The following EPS15L1 variants were observed in gnomAD, a reference collection of about 807,000 sequenced individuals.
The protein encoded by EPS15L1 is epidermal growth factor receptor substrate 15-like 1.
A neutral mutation model predicts 117.1 loss-of-function variants in EPS15L1; 43 were observed. That is an observed-to-expected ratio of 0.37 (90% CI 0.29 to 0.47). The LOEUF (loss-of-function observed/expected upper bound fraction) is 0.47, where lower values mean the gene tolerates loss of function less well. Among genes scored for constraint, EPS15L1 ranks in the 20% least tolerant of loss-of-function variants. The probability of loss-of-function intolerance (pLI) is 0.99; values close to 1 mark genes in which losing one functional copy is unlikely to be tolerated. For synonymous variants in EPS15L1, 459 were observed against 470.5 expected, an observed-to-expected ratio of 0.98 and a Z score of 0.32; for missense variants, 981 against 1,164.0, an observed-to-expected ratio of 0.84 and a Z score of 2.29.
intron 16 of EPS15L1, among the ~76,000 whole-genome samples, chr19:16,399,693 T>C (rs1047695219): frequency 4.4e-4 from 67 of 151,846 alleles, no homozygotes; most frequent in African/African-American, 1.5e-3. Flanking sequence ...TTTTTTTTTT[T>C]TTTTAGAGAT....
intron 1 of EPS15L1, among the ~76,000 whole-genome samples, chr19:16,446,763 G>A (rs2093087063): frequency 1.3e-5 from 2 of 152,268 alleles, no homozygotes; most frequent in South Asian, 2.1e-4. Context: ...ATGCACGTCC[G>A]TGATGACGTG....
At chr19:16,465,680 T>A (rs1389871675) in intron 1 of EPS15L1, among the ~76,000 whole-genome samples, 1 of 152,072 alleles carries the variant, frequency 6.6e-6, no homozygotes, top group African/African-American at 2.4e-5. Flanking sequence ...AGAGCCTGTC[T>A]CTAAAGGAAA....
chr19:16,462,162 C>T (rs560054016), intron 1 of EPS15L1, among the ~76,000 whole-genome samples: 8 of 152,306 alleles, frequency 5.3e-5, no homozygotes, highest in Admixed American at 2.0e-4. Context: ...CTCTCAGTTT[C>T]CTCATCTAGA....
At chr19:16,361,258 T>A (rs1162142225) in intron 23 of EPS15L1, among the ~76,000 whole-genome samples, 9 of 148,980 alleles carry the variant, frequency 6.0e-5, no homozygotes, top group East Asian at 5.9e-4. Context: ...TTAAAAGCTT[T>A]AAAAAAAAAA....
chr19:16,467,452 G>C (rs1230519325), intron 1 of EPS15L1, among the ~76,000 whole-genome samples: 5 of 151,920 alleles, frequency 3.3e-5, no homozygotes, highest in Admixed American at 3.3e-4. Context: ...ACCCGGCCTG[G>C]AAAGTTGTTT....
In EPS15L1 at chr19:16,413,799, T is replaced by A. The variant is rs1055251499; in HGVS notation, c.1240A>T (p.Ile414Phe). 1 of 1,614,036 alleles carries A rather than the reference T, an allele frequency of 6.2e-7. No individual in the cohort carries two copies. Among genetic ancestry groups the A allele is most frequent in the South Asian group, 1.1e-5 (1 of 91,078 alleles). Residue 414 changes from isoleucine to phenylalanine, a missense_variant, in exon 13 of 24, where the codon ATC (isoleucine) becomes TTC (phenylalanine). This residue lies in a region of EPS15L1 where 819 missense variants were observed against 949.0 expected (regional missense o/e 0.86). Transcript: ENST00000455140. ...EQDIREKEEA[I>F]RQKTSEVQEL... Reference sequence around the variant, plus strand: ...TGCACCTCGCTGGTTTTCTGTCTGATTGCCTCTTCCTTTTCTCGAATGTCT... The same window carrying A: ...TGCACCTCGCTGGTTTTCTGTCTGAATGCCTCTTCCTTTTCTCGAATGTCT...
At chr19:16,394,786 A>T (rs2092521786) in intron 17 of EPS15L1, among the ~76,000 whole-genome samples, 1 of 152,134 alleles carries the variant, frequency 6.6e-6, no homozygotes, top group East Asian at 1.9e-4. Flanking sequence ...CTGCTGAGGG[A>T]TTAGGAAACT....
intron 23 of EPS15L1, chr19:16,357,571 TG>T: frequency 1.3e-5 from 2 of 153,106 alleles, no homozygotes; most frequent in Non-Finnish European, 2.9e-5. Context: ...ATGGCAGGGC[TG>T]GGGGGACTGG....
At position 16,403,744 on chromosome 19, in the gene EPS15L1, C is replaced by T. The variant is rs762954673; in HGVS notation, c.1615G>A (p.Glu539Lys). 1.4e-5 allele frequency: 23 copies of T among 1,612,632 alleles called. No individual in the cohort carries two copies. Among genetic ancestry groups the T allele is most frequent in the South Asian group, 2.2e-5 (2 of 91,074 alleles). The change falls in exon 15 of 24, where the codon GAA (glutamate) becomes AAA (lysine). Residue 539 changes from glutamate to lysine, a missense_variant. Glu to Lys is a moderately conservative substitution (Grantham distance 56). Around this residue, in one of 5 missense-constraint regions of EPS15L1, gnomAD observed 819 missense variants for 949.0 expected, o/e 0.86. Transcript: ENST00000455140. ...ACTCCGTGAAGTACCTGGTTGATTT[C>T]GTCTTGCGTTGACTTCAGGGACTTG... is the stretch of plus-strand genomic sequence containing the variant. ...IIKSLKSTQDEINQARSKLSQ... is the reference protein window; with the variant it reads ...IIKSLKSTQDKINQARSKLSQ...
intron 1 of EPS15L1, among the ~76,000 whole-genome samples, chr19:16,453,856 T>C (rs573431941): frequency 2.1e-4 from 32 of 148,848 alleles, no homozygotes; most frequent in Admixed American, 4.7e-4. Flanking sequence ...TAAAAAAAGC[T>C]GAAATCCAAG....
At chr19:16,362,693 A>G (rs1008356815) in intron 22 of EPS15L1, among the ~76,000 whole-genome samples, 2 of 151,722 alleles carry the variant, frequency 1.3e-5, no homozygotes, top group African/African-American at 4.8e-5. Flanking sequence ...TATTTTTAGT[A>G]GAGATGGGAT....
At chr19:16,447,007 T>A (rs2093089711) in intron 1 of EPS15L1, among the ~76,000 whole-genome samples, 1 of 152,134 alleles carries the variant, frequency 6.6e-6, no homozygotes, top group Non-Finnish European at 1.5e-5. Flanking sequence ...TGCAAAAACA[T>A]AGCCCGGAGT....
rs1178688061 is a variant in EPS15L1 at position 16,428,500 on chromosome 19, G to GGAGA, written c.558+198_558+201dup. Among the ~76,000 whole-genome samples the GGAGA allele has an allele frequency of 7.7e-4, 84 of 109,112 alleles. 2 individuals are homozygous for GGAGA. Among genetic ancestry groups the GGAGA allele is most frequent in the South Asian group, 3.5e-3 (11 of 3,188 alleles). The allele number at this position is 109,112 out of a possible 152,430, so 71.6% of individuals were successfully genotyped here. ...GGGAGAGAGGGAGGGAGGGAGGGAG[G>GGAGA]GAGAGAGAGAGAGAAAGAAAGTGAA... On this transcript the variant is annotated intron_variant, in intron 8 of 23. Coordinates refer to ENST00000455140, the MANE Select transcript of EPS15L1 (RefSeq NM_001258374.3).
At chr19:16,458,113 G>A (rs1025852978) in intron 1 of EPS15L1, among the ~76,000 whole-genome samples, 20 of 152,082 alleles carry the variant, frequency 1.3e-4, no homozygotes, top group Middle Eastern at 3.2e-3. Flanking sequence ...GCCTCCTGTC[G>A]GGGTGTTCCT....
chr19:16,458,871 C>T (rs1049128568), intron 1 of EPS15L1, among the ~76,000 whole-genome samples: 6 of 152,214 alleles, frequency 3.9e-5, no homozygotes, highest in Non-Finnish European at 7.3e-5. Flanking sequence ...AGTCATGCAT[C>T]GTTTAACTAC....
intron 20 of EPS15L1, among the ~76,000 whole-genome samples, chr19:16,385,592 CTG>C (rs1426813219): frequency 6.6e-6 from 1 of 152,178 alleles, no homozygotes; most frequent in Non-Finnish European, 1.5e-5. Flanking sequence ...GAGGTTTTTG[CTG>C]TGTTTTCTCC....
At chr19:16,440,744 G>A in intron 4 of EPS15L1, 118 bp downstream of exon 4, 1 of 847,740 alleles carries the variant, frequency 1.2e-6, no homozygotes, top group Non-Finnish European at 1.9e-6. Flanking sequence ...AAGTTTGACA[G>A]CCGTGCTCAT....
chr19:16,384,812 G>A (rs953193607), intron 21 of EPS15L1, among the ~76,000 whole-genome samples: 17 of 152,294 alleles, frequency 1.1e-4, no homozygotes, highest in Admixed American at 3.3e-4. Flanking sequence ...CTCTCGAGAC[G>A]CCTGTGCCCA....
chr19:16,409,652 T>C (rs1170136506), intron 13 of EPS15L1, among the ~76,000 whole-genome samples: 3 of 152,156 alleles, frequency 2.0e-5, no homozygotes, highest in Non-Finnish European at 4.4e-5. Context: ...CAAATTCAGC[T>C]ATAGGCCAGG....
Sources: gnomAD v4.1 joint callset for allele counts (sites outside exome capture counted in the v4.1 genomes callset) on GRCh38, gnomAD v4.1.1 for gene constraint, gnomAD v4.1.1 regional missense constraint, MANE v1.5 for transcripts, NCBI Gene and HGNC (gene_info 2026-07-23, HGNC 2026-07-21) for gene names.